The following SWAP70 variants were observed in gnomAD, a reference collection of about 807,000 sequenced individuals.
SWAP70 encodes the protein switching B cell complex subunit SWAP70.
SWAP70 carries 34 observed loss-of-function variants against 80.2 expected under a neutral mutation model. That is an observed-to-expected ratio of 0.42 (90% CI 0.32 to 0.56). The LOEUF is 0.56. Ranked by LOEUF, SWAP70 falls within the 20% of genes least tolerant of loss-of-function variation. The pLI, the probability that SWAP70 is intolerant of heterozygous loss-of-function variation, is 0.09. For missense variants in SWAP70, 578 were observed against 690.7 expected (o/e 0.84, Z 1.83); for synonymous variants, 239 against 238.5 (o/e 1.00, Z -0.02).
At chr11:9,685,849 G>T (rs562418436) in intron 1 of SWAP70, among the ~76,000 whole-genome samples, 93 of 152,180 alleles carry the variant, frequency 6.1e-4, no homozygotes, top group African/African-American at 2.1e-3. Context: ...GGCCAGGATG[G>T]CCTCGATCTC....
chr11:9,716,933 G>A (rs752023495), intron 3 of SWAP70, among the ~76,000 whole-genome samples: 4 of 152,170 alleles, frequency 2.6e-5, no homozygotes, highest in Admixed American at 1.3e-4. Context: ...AATTGAACAC[G>A]CTATGAGGTA....
At chr11:9,678,044 A>G (rs1003659758) in intron 1 of SWAP70, among the ~76,000 whole-genome samples, 5 of 152,224 alleles carry the variant, frequency 3.3e-5, no homozygotes, top group South Asian at 2.1e-4. Flanking sequence ...GAAAATATAA[A>G]GGAAGCAAAT....
At position 9,724,822 on chromosome 11, in the gene SWAP70, G is replaced by T. The variant is rs1354079393; in HGVS notation, c.579G>T (p.Arg193=). ...GNGQFSKGMD[R]QTVSMAINEV... is the part of the protein sequence containing the mutation. ...GACAGTTTAGCAAAGGCATGGACCG[G>T]CAGACTGTGTCTATGGCAATTAATG... is the stretch of plus-strand genomic sequence containing the variant. The change falls in exon 4 of 12, where the codon CGG becomes CGT. Residue 193 remains arginine, a synonymous_variant. Transcript: ENST00000318950. 1 of 1,613,966 alleles carries T rather than the reference G, an allele frequency of 6.2e-7. No individual in the cohort carries two copies.
intron 11 of SWAP70, 43 bp from the exon 12 acceptor site, chr11:9,749,821 A>G: frequency 7.8e-7 from 1 of 1,285,504 alleles, no homozygotes. Flanking sequence ...GGTATCCTGA[A>G]GAATATAATA....
At chr11:9,743,769 T>G (rs1481927916) in intron 9 of SWAP70, among the ~76,000 whole-genome samples, 2 of 152,174 alleles carry the variant, frequency 1.3e-5, no homozygotes, top group East Asian at 3.9e-4. Flanking sequence ...CTTGTAAATT[T>G]GTTTGCTCAC....
At chr11:9,746,667 A>G (rs900399476) in intron 9 of SWAP70, among the ~76,000 whole-genome samples, 33 of 152,232 alleles carry the variant, frequency 2.2e-4, no homozygotes, top group African/African-American at 7.2e-4. Flanking sequence ...GCTGCCTTCC[A>G]GTTGCGAAAG....
chr11:9,671,906 A>G (rs1850414682), intron 1 of SWAP70, among the ~76,000 whole-genome samples: 1 of 109,290 alleles, frequency 9.1e-6, no homozygotes, highest in Non-Finnish European at 1.6e-5. Flanking sequence ...TAATTATTAA[A>G]TATAATAATT....
At chr11:9,674,804 A>G (rs1215260846) in intron 1 of SWAP70, among the ~76,000 whole-genome samples, 1 of 151,912 alleles carries the variant, frequency 6.6e-6, no homozygotes, top group African/African-American at 2.4e-5. Flanking sequence ...CTCTACCAAA[A>G]ATACAAAAAA....
intron 3 of SWAP70, among the ~76,000 whole-genome samples, chr11:9,717,680 A>G (rs1335900352): frequency 1.3e-5 from 2 of 149,412 alleles, no homozygotes; most frequent in African/African-American, 4.9e-5. Context: ...AAAAAAAATT[A>G]CAGTATTTTA....
chr11:9,690,909 A>T (rs1850690314), intron 1 of SWAP70, among the ~76,000 whole-genome samples: 2 of 151,790 alleles, frequency 1.3e-5, no homozygotes, highest in South Asian at 4.2e-4. Context: ...ATTATAATTA[A>T]TTAATTAATT....
chr11:9,667,911 C>T (rs192828844), intron 1 of SWAP70, among the ~76,000 whole-genome samples: 10 of 152,040 alleles, frequency 6.6e-5, no homozygotes, highest in South Asian at 2.1e-4. Context: ...TTTTTTGAGA[C>T]GGAGTGTCGC....
At chr11:9,683,249 T>C (rs1393596065) in intron 1 of SWAP70, among the ~76,000 whole-genome samples, 4 of 151,298 alleles carry the variant, frequency 2.6e-5, no homozygotes, top group Non-Finnish European at 2.9e-5. Flanking sequence ...AATAGAAAAA[T>C]TAGCTGGGTG....
chr11:9,745,948 A>C (rs938508498), intron 9 of SWAP70, among the ~76,000 whole-genome samples: 3 of 152,182 alleles, frequency 2.0e-5, no homozygotes, highest in African/African-American at 7.2e-5. Flanking sequence ...TCACAGGGGG[A>C]TGAGCAGCCC....
intron 9 of SWAP70, among the ~76,000 whole-genome samples, chr11:9,746,836 A>G (rs1311777334): frequency 2.0e-5 from 3 of 152,264 alleles, no homozygotes; most frequent in Non-Finnish European, 4.4e-5. Context: ...CCCATCACCT[A>G]GAGTATTGGA....
chr11:9,732,093 A>G (rs981790590), intron 6 of SWAP70, among the ~76,000 whole-genome samples: 1 of 152,232 alleles, frequency 6.6e-6, no homozygotes, highest in Admixed American at 6.5e-5. Context: ...TGCAAATTAG[A>G]TATCAGAAAT....
At chr11:9,726,864 T>G (rs750921203) in intron 4 of SWAP70, 105 of 456,258 alleles carry the variant, frequency 2.3e-4, no homozygotes, top group Admixed American at 1.3e-3. Flanking sequence ...AAGCCACATT[T>G]AGAAGCCAGT....
chr11:9,724,778 A>G lies in SWAP70; in HGVS notation c.535A>G (p.Ile179Val). 1.2e-6 allele frequency: 2 copies of G among 1,614,100 alleles called. No individual in the cohort carries two copies. The highest frequency in any genetic ancestry group is 8.5e-7 in the Non-Finnish European group (1 of 1,179,962). Residue 179 changes from isoleucine (I) to valine (V), a missense_variant, in exon 4 of 12, where the codon ATT becomes GTT. Transcript: ENST00000318950. ...AAATGGCCTTTCTGCATGGGAACTT[A>G]TTGAGCTTATTGGAAATGGACAGTT... ...SKNGLSAWELIELIGNGQFSK... is the reference protein window; with the variant it reads ...SKNGLSAWELVELIGNGQFSK...
chr11:9,669,943 C>T (rs571543723), intron 1 of SWAP70, among the ~76,000 whole-genome samples: 14 of 152,018 alleles, frequency 9.2e-5, no homozygotes, highest in Non-Finnish European at 1.8e-4. Context: ...GTGTGGCCAA[C>T]GTGGCAAAAC....
chr11:9,665,446 C>A (rs921527748), intron 1 of SWAP70, among the ~76,000 whole-genome samples: 1 of 152,102 alleles, frequency 6.6e-6, no homozygotes, highest in East Asian at 1.9e-4. Flanking sequence ...GTGTACAGTT[C>A]TATAAATTTC....
Sources: allele counts gnomAD v4.1 joint callset (sites outside exome capture counted in the v4.1 genomes callset), GRCh38; gene constraint gnomAD v4.1.1; transcripts MANE v1.5; gene names NCBI Gene and HGNC (gene_info 2026-07-23, HGNC 2026-07-21).